RAB38: variants seen among roughly 807,000 people sequenced by gnomAD.
The protein encoded by RAB38 is ras-related protein Rab-38.
In RAB38, 15 loss-of-function variants were observed where a neutral mutation model predicts 18.4. The observed-to-expected ratio is 0.82, with a 90% CI of 0.55 to 1.26. RAB38 has a LOEUF of 1.26. Ranked by LOEUF, RAB38 falls within the 50% of genes most tolerant of loss-of-function variation. The pLI, the probability that RAB38 is intolerant of heterozygous loss-of-function variation, is 0.00. For missense variants in RAB38, 294 were observed against 267.4 expected (o/e 1.10, Z -0.69); for synonymous variants, 101 against 104.4 (o/e 0.97, Z 0.20).
chr11:87,977,414 TATA>T, the RAB38 span, among the ~76,000 whole-genome samples: 3 of 73,218 alleles, frequency 4.1e-5, 1 homozygote, highest in African/African-American at 1.2e-4. Context: ...TATTATAAAA[TATA>T]ATTATATTAT....
chr11:88,019,102 T>C, the RAB38 span, among the ~76,000 whole-genome samples: 1 of 152,112 alleles, frequency 6.6e-6, no homozygotes, highest in African/African-American at 2.4e-5. Flanking sequence ...TCCTCTTCTC[T>C]TCTCTAACCA....
chr11:88,149,696 T>A lies in RAB38; in HGVS notation c.462A>T (p.Gly154=). The change falls in exon 2 of 3, where the codon GGA becomes GGT. Residue 154 remains glycine, a synonymous_variant. Transcript: ENST00000243662. ...DQFCKEHGFV[G]WFETSAKENI... is the part of the protein sequence containing the mutation. ...TTACCTTTGCTGATGTTTCAAACCA[T>A]CCTACGAAACCGTGCTCCTTGCAGA... is the stretch of plus-strand genomic sequence containing the variant. 6.2e-7 allele frequency: 1 copy of A among 1,611,488 alleles called. No homozygotes were observed. The highest frequency in any genetic ancestry group is 8.5e-7 in the Non-Finnish European group (1 of 1,177,800).
chr11:88,135,786 T>C (rs1942828651), intron 2 of RAB38, among the ~76,000 whole-genome samples: 1 of 152,238 alleles, frequency 6.6e-6, no homozygotes, highest in Non-Finnish European at 1.5e-5. Flanking sequence ...TATTTAAAAA[T>C]GGGATTTACA....
At chr11:87,946,448 G>C in the RAB38 span, among the ~76,000 whole-genome samples, 1 of 152,072 alleles carries the variant, frequency 6.6e-6, no homozygotes, top group South Asian at 2.1e-4. Context: ...GTGCAGGTTT[G>C]TTACATATAT....
chr11:87,893,384 A>ATGTATG, the RAB38 span, among the ~76,000 whole-genome samples: 3 of 50,640 alleles, frequency 5.9e-5, no homozygotes, highest in Non-Finnish European at 1.1e-4. Context: ...ATATATATAT[A>ATGTATG]TATATATTTT....
the RAB38 span, among the ~76,000 whole-genome samples, chr11:88,040,275 C>A: frequency 6.6e-6 from 1 of 152,224 alleles, no homozygotes; most frequent in Non-Finnish European, 1.5e-5. Context: ...CTCTCCTTCA[C>A]TTGTAGATGG....
the RAB38 span, chr11:87,816,105 A>G: frequency 6.6e-6 from 1 of 152,272 alleles, no homozygotes; most frequent in African/African-American, 2.4e-5. Context: ...AGATCAATAA[A>G]TGAGTAGTTG....
chr11:88,152,847 T>A (rs921922369), intron 1 of RAB38, among the ~76,000 whole-genome samples: 6 of 152,240 alleles, frequency 3.9e-5, no homozygotes, highest in African/African-American at 1.4e-4. Flanking sequence ...TGGCTAAAGC[T>A]CTATACTTTG....
the RAB38 span, among the ~76,000 whole-genome samples, chr11:87,976,752 A>C: frequency 1.7e-5 from 2 of 116,176 alleles, no homozygotes; most frequent in Non-Finnish European, 3.2e-5. Context: ...TTATATATTT[A>C]TATATATTTC....
chr11:87,931,014 G>T, the RAB38 span, among the ~76,000 whole-genome samples: 1 of 152,116 alleles, frequency 6.6e-6, no homozygotes, highest in Non-Finnish European at 1.5e-5. Flanking sequence ...CTCCAGCTTT[G>T]TTCTTTTGGC....
the RAB38 span, among the ~76,000 whole-genome samples, chr11:88,015,041 C>A: frequency 3.0e-3 from 377 of 125,112 alleles, 1 homozygote; most frequent in Non-Finnish European, 3.9e-3. Flanking sequence ...CAAACACACC[C>A]AGTTGCCTGT....
At chr11:87,814,925 G>C in the RAB38 span, 1 of 152,126 alleles carries the variant, frequency 6.6e-6, no homozygotes, top group Non-Finnish European at 1.5e-5. Flanking sequence ...AGTAGAGACA[G>C]GGTTTCACCA....
chr11:87,954,464 A>AAGAT, the RAB38 span, among the ~76,000 whole-genome samples: 810 of 152,294 alleles, frequency 5.3e-3, 4 homozygotes, highest in Middle Eastern at 0.01. Flanking sequence ...TTGTCACAGA[A>AAGAT]AGATAGAAAA....
At chr11:88,155,148 C>T (rs302658) in intron 1 of RAB38, among the ~76,000 whole-genome samples, 130,251 of 152,208 alleles carry the variant, frequency 0.86, 56,041 homozygotes, top group Middle Eastern at 0.93. Flanking sequence ...CTCAGCACAG[C>T]TGCTTGCACC....
downstream of RAB38, among the ~76,000 whole-genome samples, chr11:88,110,091 C>A (rs1009549731): frequency 2.0e-5 from 3 of 152,068 alleles, no homozygotes; most frequent in Non-Finnish European, 4.4e-5. Flanking sequence ...CAGCACTATT[C>A]CCAATAGCAA....
At chr11:88,107,714 G>T in the RAB38 span, among the ~76,000 whole-genome samples, 3 of 152,096 alleles carry the variant, frequency 2.0e-5, no homozygotes, top group East Asian at 5.8e-4. Flanking sequence ...TGATTTTAGG[G>T]TGTCAGTTTT....
the RAB38 span, among the ~76,000 whole-genome samples, chr11:87,855,410 C>T: frequency 1.3e-5 from 2 of 152,106 alleles, no homozygotes; most frequent in African/African-American, 4.8e-5. Flanking sequence ...TATTGGCTTA[C>T]TGAGGTTGTA....
the RAB38 span, among the ~76,000 whole-genome samples, chr11:87,882,322 A>G: frequency 1.3e-5 from 2 of 151,874 alleles, no homozygotes; most frequent in African/African-American, 4.8e-5. Context: ...AAGGCTAGGT[A>G]GTGGTTCTAA....
downstream of RAB38, among the ~76,000 whole-genome samples, chr11:88,110,585 GAGGTGGGC>G (rs1942460791): frequency 2.0e-5 from 3 of 152,008 alleles, no homozygotes; most frequent in Non-Finnish European, 4.4e-5. Context: ...TTGGGAGGCC[GAGGTGGGC>G]AGATTATGAG....
Sources: allele counts gnomAD v4.1 joint callset (sites outside exome capture counted in the v4.1 genomes callset), GRCh38; gene constraint gnomAD v4.1.1; transcripts MANE v1.5; gene names NCBI Gene and HGNC (gene_info 2026-07-23, HGNC 2026-07-21).